Variants in TRPM3 observed in about 807,000 individuals in gnomAD.
The protein encoded by TRPM3 is transient receptor potential cation channel subfamily M member 3.
In TRPM3, 77 loss-of-function variants were observed where a neutral mutation model predicts 181.2. The observed-to-expected ratio is 0.42, with a 90% CI of 0.35 to 0.51. TRPM3 has a LOEUF of 0.51. Among genes scored for constraint, TRPM3 ranks in the 20% least tolerant of loss-of-function variants. The pLI is 0.01. For missense variants in TRPM3, 1,759 were observed against 2,196.7 expected, an observed-to-expected ratio of 0.80 and a Z score of 3.98; for synonymous variants, 745 against 796.4, an observed-to-expected ratio of 0.94 and a Z score of 1.09.
rs1183141447 is a variant in TRPM3, at chr9:71,204,414, C to A, written c.183+242239G>T. Among the ~76,000 whole-genome samples, 7 of 152,224 alleles carry A rather than the reference C, an allele frequency of 4.6e-5. No individual in the cohort carries two copies. The East Asian group carries it at 5.8e-4, about 13-fold the overall frequency. ...ACAAGTAGGCAAAGGATATGAACAG[C>A]CACTTCTCAAAAGAAGACATTTATG... On this transcript the variant is annotated intron_variant, in intron 1 of 24. Transcript: ENST00000357533.
intron 1 of TRPM3, among the ~76,000 whole-genome samples, chr9:71,343,428 G>C (rs1218394109): frequency 2.0e-5 from 3 of 152,016 alleles, no homozygotes; most frequent in Non-Finnish European, 2.9e-5. Flanking sequence ...TTTTGTAGTG[G>C]CATGGGGTGG....
Position 70,865,980 on chromosome 9 carries a change from A to G in TRPM3, c.178-1469T>C, listed in dbSNP as rs185668836. 1.3e-4 allele frequency among the ~76,000 whole-genome samples: 20 copies of G among 152,192 alleles called. No homozygotes were observed. In the South Asian group the frequency reaches 2.3e-3, roughly 17 times the overall value. ...TTTGCCTTTCAGCTAAACATGAAAA[A>G]TTCCCAATGTCTAGTCTCAAATATT... On this transcript the variant is annotated intron_variant, in intron 1 of 25. Coordinates refer to ENST00000677713, the MANE Select transcript of TRPM3 (RefSeq NM_001366145.2).
intron 21 of TRPM3, among the ~76,000 whole-genome samples, chr9:70,593,886 A>G (rs897164319): frequency 6.8e-6 from 1 of 147,742 alleles, no homozygotes; most frequent in Non-Finnish European, 1.5e-5. Flanking sequence ...TATATAATAC[A>G]CATATATATA....
At chr9:70,821,804 T>C (rs2093194358) in intron 6 of TRPM3, among the ~76,000 whole-genome samples, 1 of 152,232 alleles carries the variant, frequency 6.6e-6, no homozygotes, top group Non-Finnish European at 1.5e-5. Flanking sequence ...TTTCTCTTGC[T>C]TCTCCATCTC....
chr9:70,683,922 A>T (rs2066128233), intron 8 of TRPM3, among the ~76,000 whole-genome samples: 1 of 152,216 alleles, frequency 6.6e-6, no homozygotes, highest in Admixed American at 6.5e-5. Context: ...TCAACTCTTT[A>T]CGCCAGGGCT....
chr9:70,859,777 T>C (rs1232814214), intron 3 of TRPM3, among the ~76,000 whole-genome samples: 2 of 152,196 alleles, frequency 1.3e-5, no homozygotes, highest in African/African-American at 4.8e-5. Context: ...TCCCCCGTAA[T>C]AGCACACCCA....
chr9:71,035,851 T>C (rs1318862935), intron 1 of TRPM3, among the ~76,000 whole-genome samples: 2 of 152,138 alleles, frequency 1.3e-5, no homozygotes, highest in Non-Finnish European at 2.9e-5. Flanking sequence ...CTTATCATTC[T>C]AGTGAAGGCC....
rs764791547 is a variant in TRPM3, at chr9:70,537,208, G to A, written c.3905C>T (p.Thr1302Met). Residue 1302 changes from threonine to methionine, a missense_variant, in exon 26 of 26, where the codon ACG becomes ATG. Physicochemically the swap from Thr to Met is moderately conservative, Grantham distance 81. Around this residue, in one of 8 missense-constraint regions of TRPM3, gnomAD observed 612 missense variants for 590.0 expected, o/e 1.04. Transcript: ENST00000677713. Reference protein sequence around the residue: ...KIRSRTSSDCTDAAYIVRQSS... With the variant: ...KIRSRTSSDCMDAAYIVRQSS... The stretch of plus-strand genomic sequence containing the variant: ...CTGACGGACAATGTAGGCGGCGTCC[G>A]TGCAGTCTGACGAGGTCCTCGAGCG... The A allele has an allele frequency of 3.9e-5, 63 of 1,595,792 alleles. No homozygotes were observed. The highest frequency in any genetic ancestry group is 1.7e-4 in the Middle Eastern group (1 of 6,010).
chr9:71,031,509 GA>G (rs1249073039), intron 1 of TRPM3, among the ~76,000 whole-genome samples: 1 of 152,116 alleles, frequency 6.6e-6, no homozygotes, highest in Admixed American at 6.6e-5. Context: ...AGCATGCAGT[GA>G]TACCTAAGAA....
intron 11 of TRPM3, among the ~76,000 whole-genome samples, chr9:70,635,725 G>A (rs1192906439): frequency 1.3e-5 from 2 of 152,052 alleles, no homozygotes; most frequent in African/African-American, 2.4e-5. Flanking sequence ...GCCTCCCAAA[G>A]TGCTGGGATT....
chr9:71,336,969 C>T (rs1313013778), intron 1 of TRPM3, among the ~76,000 whole-genome samples: 4 of 152,184 alleles, frequency 2.6e-5, no homozygotes, highest in Non-Finnish European at 5.9e-5. Flanking sequence ...GGATTAAAGA[C>T]TTCAACGTAA....
chr9:70,994,359 C>G (rs2097523227), intron 1 of TRPM3, among the ~76,000 whole-genome samples: 1 of 152,154 alleles, frequency 6.6e-6, no homozygotes, highest in South Asian at 2.1e-4. Flanking sequence ...AGGAAGCTTA[C>G]CCAGGTGTAT....
chr9:70,985,503 A>T (rs1455350248), intron 1 of TRPM3, among the ~76,000 whole-genome samples: 1 of 152,220 alleles, frequency 6.6e-6, no homozygotes, highest in East Asian at 1.9e-4. Context: ...AGGAAATGAA[A>T]TGTCTGTATC....
chr9:70,680,625 T>C (rs2065172434), intron 9 of TRPM3, among the ~76,000 whole-genome samples: 1 of 152,212 alleles, frequency 6.6e-6, no homozygotes, highest in Non-Finnish European at 1.5e-5. Flanking sequence ...ACCATGACTC[T>C]ACAGCAGGCA....
At chr9:71,237,793 A>G (rs1031103197) in intron 1 of TRPM3, among the ~76,000 whole-genome samples, 1 of 152,178 alleles carries the variant, frequency 6.6e-6, no homozygotes, top group Non-Finnish European at 1.5e-5. Context: ...TCCAAGATCG[A>G]GGCACTGGCA....
chr9:70,829,465 G>C (rs986117025), intron 5 of TRPM3, among the ~76,000 whole-genome samples: 1 of 152,112 alleles, frequency 6.6e-6, no homozygotes. Context: ...TTTCTGAATT[G>C]AGGATTGATC....
chr9:70,841,641 T>TATAA (rs2094644416), intron 5 of TRPM3, among the ~76,000 whole-genome samples: 1 of 130,270 alleles, frequency 7.7e-6, no homozygotes, highest in Non-Finnish European at 1.6e-5. Flanking sequence ...TATATATATA[T>TATAA]ATATATATAT....
intron 1 of TRPM3, among the ~76,000 whole-genome samples, chr9:71,333,804 C>G (rs181260703): frequency 1.2e-4 from 18 of 151,992 alleles, no homozygotes; most frequent in Admixed American, 1.1e-3. Context: ...ATACCTAATA[C>G]AGAATGTGAA....
chr9:71,324,359 T>C (rs958352119), intron 1 of TRPM3, among the ~76,000 whole-genome samples: 4 of 152,078 alleles, frequency 2.6e-5, no homozygotes, highest in African/African-American at 2.4e-5. Context: ...AGTAGGTATA[T>C]GAAAAGATAC....
Sources: allele counts gnomAD v4.1 joint callset (sites outside exome capture counted in the v4.1 genomes callset), GRCh38; gene constraint gnomAD v4.1.1; regional missense constraint gnomAD v4.1.1; transcripts MANE v1.5; gene names NCBI Gene and HGNC (gene_info 2026-07-23, HGNC 2026-07-21).